The following SEMA3E variants were observed in gnomAD, a reference collection of about 807,000 sequenced individuals.
SEMA3E encodes semaphorin-3E.
A neutral mutation model predicts 93.6 loss-of-function variants in SEMA3E; 49 were observed. The ratio of observed to expected loss-of-function variants is 0.52; its 90% confidence interval spans 0.42 to 0.66. The LOEUF (loss-of-function observed/expected upper bound fraction) is 0.66. SEMA3E is among the 30% of genes least tolerant of loss of function. The probability of loss-of-function intolerance (pLI) is 0.00; values close to 1 mark genes in which losing one functional copy is unlikely to be tolerated. For missense variants in SEMA3E, 906 were observed against 964.8 expected, an observed-to-expected ratio of 0.94 and a Z score of 0.81; for synonymous variants, 363 against 330.7, an observed-to-expected ratio of 1.10 and a Z score of -1.06.
At chr7:83,508,010 T>C (rs942636399) in intron 1 of SEMA3E, among the ~76,000 whole-genome samples, 5 of 152,050 alleles carry the variant, frequency 3.3e-5, no homozygotes, top group Admixed American at 1.3e-4. Flanking sequence ...TTATAGTTCA[T>C]AGTACTAAAA....
intron 1 of SEMA3E, among the ~76,000 whole-genome samples, chr7:83,576,232 A>G (rs1415082951): frequency 2.0e-5 from 3 of 152,202 alleles, no homozygotes; most frequent in Non-Finnish European, 4.4e-5. Flanking sequence ...ATTATTTTTC[A>G]AATTTAGCAG....
intron 2 of SEMA3E, among the ~76,000 whole-genome samples, chr7:83,487,683 G>GTGTGTGTA (rs1491513011): frequency 3.0e-4 from 1 of 3,300 alleles, no homozygotes; most frequent in Non-Finnish European, 1.1e-3. Flanking sequence ...GCAGGAGGTC[G>GTGTGTGTA]TGTGTGTGTG....
intron 1 of SEMA3E, among the ~76,000 whole-genome samples, chr7:83,592,314 T>C (rs10239215): frequency 0.017 from 2,658 of 152,246 alleles, 77 homozygotes; most frequent in African/African-American, 0.059. Flanking sequence ...CTTAAAGTTA[T>C]GCTAATAGGT....
chr7:83,397,604 T>C (rs1048232541), intron 11 of SEMA3E, among the ~76,000 whole-genome samples: 1 of 152,140 alleles, frequency 6.6e-6, no homozygotes. Flanking sequence ...AAGTTTATAC[T>C]CATATTTTAA....
chr7:83,496,748 T>C (rs1343788884), intron 1 of SEMA3E, among the ~76,000 whole-genome samples: 1 of 152,080 alleles, frequency 6.6e-6, no homozygotes, highest in Non-Finnish European at 1.5e-5. Flanking sequence ...CTCCAAATCA[T>C]GGTCCCTGGA....
intron 1 of SEMA3E, among the ~76,000 whole-genome samples, chr7:83,629,972 C>A (rs985984565): frequency 1.3e-5 from 2 of 152,308 alleles, no homozygotes; most frequent in African/African-American, 4.8e-5. Flanking sequence ...GTGGGAAAAG[C>A]ATAGTATCTG....
chr7:83,617,451 ATATAAATAATATATAATTTTATATAAAT>A lies in SEMA3E; in HGVS notation c.115+30949_115+30976del, dbSNP rs1793394933. ...ATATTAATAATTTTATATAAATTTT[ATATAAATAATATATAATTTTATATAAAT>A]TTTATATAAATAATATATAATTTTA... On this transcript the variant is annotated intron_variant, in intron 1 of 16. Coordinates refer to ENST00000643230, the MANE Select transcript of SEMA3E (RefSeq NM_012431.3). 7.5e-5 allele frequency among the ~76,000 whole-genome samples: 4 copies of A among 53,422 alleles called. No individual in the cohort carries two copies. The Admixed American group carries it at 7.5e-4, about 10-fold the overall frequency. The allele number at this position is 53,422 out of a possible 152,430, so 35.0% of individuals were successfully genotyped here.
intron 1 of SEMA3E, among the ~76,000 whole-genome samples, chr7:83,515,696 A>G (rs1790912492): frequency 6.6e-6 from 1 of 152,102 alleles, no homozygotes; most frequent in Admixed American, 6.5e-5. Context: ...ATTGTATGTA[A>G]TATTTCTTTC....
intron 1 of SEMA3E, among the ~76,000 whole-genome samples, chr7:83,498,814 A>G (rs1429853898): frequency 6.6e-6 from 1 of 152,166 alleles, no homozygotes; most frequent in Non-Finnish European, 1.5e-5. Flanking sequence ...TTCAAAAGCC[A>G]AAAGATATAA....
intron 4 of SEMA3E, among the ~76,000 whole-genome samples, chr7:83,460,594 A>C (rs1181850632): frequency 2.0e-5 from 3 of 149,748 alleles, no homozygotes; most frequent in South Asian, 2.1e-4. Flanking sequence ...CAAGTACCCC[A>C]ACCCCTTCTC....
chr7:83,394,437 G>A (rs1788080797), intron 12 of SEMA3E, 99 bp from the exon 13 acceptor site: 1 of 975,630 alleles, frequency 1.0e-6, no homozygotes, highest in Non-Finnish European at 1.6e-6. Flanking sequence ...TTATATAAGT[G>A]GTTATGTGTT....
chr7:83,414,315 ATAGT>A (rs1327710653), intron 5 of SEMA3E, among the ~76,000 whole-genome samples: 4 of 151,584 alleles, frequency 2.6e-5, no homozygotes, highest in Non-Finnish European at 4.4e-5. Flanking sequence ...GAATGCAAAT[ATAGT>A]TAATTAAAAA....
In SEMA3E at chr7:83,490,130, C is replaced by G. The variant is rs761011466; in HGVS notation, c.260G>C (p.Ser87Thr). 6.2e-7 allele frequency: 1 copy of G among 1,612,842 alleles called. No individual in the cohort carries two copies. The change falls in exon 2 of 17, where the codon AGT (serine) becomes ACT (threonine). Residue 87 changes from serine (S) to threonine (T), a missense_variant. By Grantham distance (58) the Ser-to-Thr change is moderately conservative (BLOSUM62 1). Coordinates refer to ENST00000643230, the MANE Select transcript of SEMA3E (RefSeq NM_012431.3). ...TTTCTATACCTCTTTATAGCCGTCA[C>G]TGATTCTCTCCAAGCTGAGGGAATA... is the stretch of plus-strand genomic sequence containing the variant. Reference protein sequence around the residue: ...LVYSLSLERISDGYKEIHWPS... With the variant: ...LVYSLSLERITDGYKEIHWPS...
At chr7:83,408,567 G>T in intron 5 of SEMA3E, 80 bp from the exon 6 acceptor site, 1 of 1,386,690 alleles carries the variant, frequency 7.2e-7, no homozygotes, top group Non-Finnish European at 1.0e-6. Flanking sequence ...TTTAATATGT[G>T]TATCTATAAT....
At chr7:83,394,131 C>A (rs1788070938) in intron 13 of SEMA3E, among the ~76,000 whole-genome samples, 166 bp downstream of exon 13, 1 of 151,912 alleles carries the variant, frequency 6.6e-6, no homozygotes, top group Admixed American at 6.6e-5. Context: ...CAGGGTAGAT[C>A]ACATGTTAAA....
intron 5 of SEMA3E, 45 bp from the exon 6 acceptor site, chr7:83,408,532 T>C (rs762838228): frequency 1.9e-6 from 3 of 1,601,474 alleles, no homozygotes; most frequent in African/African-American, 1.3e-5. Flanking sequence ...TTTGTTAATA[T>C]GTTAACAAAT....
intron 1 of SEMA3E, among the ~76,000 whole-genome samples, chr7:83,576,583 C>T (rs775372929): frequency 8.6e-5 from 13 of 151,898 alleles, no homozygotes; most frequent in Non-Finnish European, 1.6e-4. Flanking sequence ...TAGGCTATGT[C>T]GAAAGAGCAT....
At chr7:83,506,925 A>G (rs943181416) in intron 1 of SEMA3E, among the ~76,000 whole-genome samples, 4 of 152,240 alleles carry the variant, frequency 2.6e-5, no homozygotes, top group Non-Finnish European at 5.9e-5. Context: ...TTATTAGTAG[A>G]GCAAGTTTCA....
At chr7:83,481,085 A>G (rs1254521290) in intron 2 of SEMA3E, among the ~76,000 whole-genome samples, 1 of 152,172 alleles carries the variant, frequency 6.6e-6, no homozygotes, top group Non-Finnish European at 1.5e-5. Context: ...ATGAATGCCA[A>G]TGGTTAGAGC....
Sources: allele counts gnomAD v4.1 joint callset (sites outside exome capture counted in the v4.1 genomes callset), GRCh38; gene constraint gnomAD v4.1.1; transcripts MANE v1.5; gene names NCBI Gene and HGNC (gene_info 2026-07-23, HGNC 2026-07-21).